Variants in ZCCHC7 observed in about 807,000 individuals in gnomAD.
ZCCHC7 encodes zinc finger CCHC-type containing 7, also known as zinc finger CCHC domain-containing protein 7.
In ZCCHC7, 35 loss-of-function variants were observed where a neutral mutation model predicts 52.0. The observed-to-expected ratio is 0.67, with a 90% CI of 0.51 to 0.89. ZCCHC7 has a LOEUF of 0.89. ZCCHC7 is among the 40% of genes least tolerant of loss of function. ZCCHC7 has a pLI of 0.00. For missense variants in ZCCHC7, 574 were observed against 649.1 expected (o/e 0.88, Z 1.26); for synonymous variants, 217 against 221.5 (o/e 0.98, Z 0.18).
chr9:37,189,353 CT>C (rs1822894005), intron 2 of ZCCHC7, among the ~76,000 whole-genome samples: 2 of 152,044 alleles, frequency 1.3e-5, no homozygotes, highest in African/African-American at 4.8e-5. Context: ...ATTTTGAGAC[CT>C]TTTGTCTTGG....
chr9:37,336,278 G>C (rs180897165), intron 6 of ZCCHC7, among the ~76,000 whole-genome samples: 2 of 152,228 alleles, frequency 1.3e-5, no homozygotes, highest in South Asian at 2.1e-4. Context: ...TCAAACTTAA[G>C]CACTTTATCA....
chr9:37,178,056 G>C (rs949390173), intron 2 of ZCCHC7, among the ~76,000 whole-genome samples: 1 of 152,122 alleles, frequency 6.6e-6, no homozygotes, highest in African/African-American at 2.4e-5. Flanking sequence ...GGGGAAACTG[G>C]CTGTGGTGCA....
At chr9:37,265,434 C>G (rs1469283314) in intron 2 of ZCCHC7, among the ~76,000 whole-genome samples, 1 of 152,178 alleles carries the variant, frequency 6.6e-6, no homozygotes, top group Non-Finnish European at 1.5e-5. Context: ...CTCCCATCCC[C>G]AATCCAGTTC....
chr9:37,199,611 G>A (rs1823495576), intron 2 of ZCCHC7, among the ~76,000 whole-genome samples: 3 of 150,978 alleles, frequency 2.0e-5, no homozygotes, highest in Admixed American at 2.0e-4. Flanking sequence ...GGGATTACAG[G>A]CGTGAGCCAC....
chr9:37,189,222 A>T (rs1588452915), intron 2 of ZCCHC7, among the ~76,000 whole-genome samples: 1 of 151,874 alleles, frequency 6.6e-6, no homozygotes, highest in African/African-American at 2.4e-5. Context: ...TCTTGGTCAG[A>T]TAAATCCATC....
intron 2 of ZCCHC7, among the ~76,000 whole-genome samples, chr9:37,130,742 T>C (rs932020449): frequency 6.6e-6 from 1 of 151,640 alleles, no homozygotes. Flanking sequence ...GTGATCCGCC[T>C]GCCTCGGCCT....
intron 5 of ZCCHC7, among the ~76,000 whole-genome samples, chr9:37,311,749 A>C (rs1169943867): frequency 6.6e-6 from 1 of 152,194 alleles, no homozygotes; most frequent in Non-Finnish European, 1.5e-5. Context: ...CTCCCATATC[A>C]GCCATATACT....
At chr9:37,156,905 A>G (rs1820842765) in intron 2 of ZCCHC7, among the ~76,000 whole-genome samples, 1 of 152,144 alleles carries the variant, frequency 6.6e-6, no homozygotes, top group South Asian at 2.1e-4. Context: ...TAGGTATTTT[A>G]ATAAGTAAAT....
At chr9:37,239,280 GCAGT>G (rs1001061859) in intron 2 of ZCCHC7, among the ~76,000 whole-genome samples, 174 of 152,106 alleles carry the variant, frequency 1.1e-3, no homozygotes, top group African/African-American at 4.2e-3. Context: ...ATAAAGCAAA[GCAGT>G]CATTCTTTTC....
At chr9:37,174,408 A>G (rs12341278) in intron 2 of ZCCHC7, among the ~76,000 whole-genome samples, 5,510 of 152,308 alleles carry the variant, frequency 0.036, 223 homozygotes, top group African/African-American at 0.096. Flanking sequence ...GTTTTTTAAA[A>G]AAGGAAATAA....
intron 6 of ZCCHC7, among the ~76,000 whole-genome samples, chr9:37,341,106 A>G (rs996943017): frequency 1.3e-5 from 2 of 152,188 alleles, no homozygotes; most frequent in Non-Finnish European, 2.9e-5. Context: ...CTCGATTAAG[A>G]AGGATCTCTT....
chr9:37,130,268 TGA>T, intron 2 of ZCCHC7, among the ~76,000 whole-genome samples: 1 of 148,510 alleles, frequency 6.7e-6, no homozygotes. Flanking sequence ...GTTTTAGCCT[TGA>T]ATGACATAGT....
intron 5 of ZCCHC7, among the ~76,000 whole-genome samples, chr9:37,318,988 T>C (rs1829944693): frequency 6.6e-6 from 1 of 151,940 alleles, no homozygotes; most frequent in Admixed American, 6.6e-5. Context: ...ATATTTGCTC[T>C]TGTTATGTCA....
chr9:37,340,745 G>GA (rs1376685161), intron 6 of ZCCHC7, among the ~76,000 whole-genome samples: 2 of 152,146 alleles, frequency 1.3e-5, no homozygotes, highest in African/African-American at 4.8e-5. Context: ...TTGTCCACTG[G>GA]AAACCACTAT....
At chr9:37,267,401 G>C (rs561494681) in intron 2 of ZCCHC7, among the ~76,000 whole-genome samples, 7 of 151,740 alleles carry the variant, frequency 4.6e-5, no homozygotes, top group African/African-American at 1.2e-4. Flanking sequence ...TTGGTGGTGG[G>C]GGGGAGACAG....
intron 2 of ZCCHC7, among the ~76,000 whole-genome samples, chr9:37,240,928 T>G (rs1158893441): frequency 6.6e-6 from 1 of 151,880 alleles, no homozygotes; most frequent in Non-Finnish European, 1.5e-5. Context: ...AATGTGGATA[T>G]ACTTTCAGAT....
At chr9:37,246,818 G>A (rs145042613) in intron 2 of ZCCHC7, among the ~76,000 whole-genome samples, 2 of 152,210 alleles carry the variant, frequency 1.3e-5, no homozygotes, top group East Asian at 3.9e-4. Context: ...GATTTTGGTA[G>A]CTGAGGCATC....
intron 2 of ZCCHC7, among the ~76,000 whole-genome samples, chr9:37,159,111 A>G (rs1274876230): frequency 1.3e-5 from 2 of 152,240 alleles, no homozygotes; most frequent in Non-Finnish European, 2.9e-5. Flanking sequence ...TTCATACTTT[A>G]ACAGGTATGT....
chr9:37,127,878 A>G (rs1363352285), intron 2 of ZCCHC7, among the ~76,000 whole-genome samples: 1 of 152,164 alleles, frequency 6.6e-6, no homozygotes, highest in African/African-American at 2.4e-5. Flanking sequence ...AAGCCATGTG[A>G]TATCTTAACT....
Sources: gnomAD v4.1 joint callset for allele counts (sites outside exome capture counted in the v4.1 genomes callset) on GRCh38, gnomAD v4.1.1 for gene constraint, MANE v1.5 for transcripts, NCBI Gene and HGNC (gene_info 2026-07-23, HGNC 2026-07-21) for gene names.